The following USP31 variants were observed in gnomAD, a reference collection of about 807,000 sequenced individuals.
The protein encoded by USP31 is ubiquitin carboxyl-terminal hydrolase 31.
Under a neutral mutation model 119.4 loss-of-function variants are expected in USP31, and 44 were observed. The ratio of observed to expected loss-of-function variants is 0.37; its 90% confidence interval spans 0.29 to 0.47. The LOEUF (loss-of-function observed/expected upper bound fraction) is 0.47, where lower values mean the gene tolerates loss of function less well. USP31 is among the 20% of genes least tolerant of loss of function. USP31 has a pLI of 0.99. For missense variants in USP31, 1,643 were observed against 1,730.2 expected, an observed-to-expected ratio of 0.95 and a Z score of 0.89; for synonymous variants, 749 against 705.6, an observed-to-expected ratio of 1.06 and a Z score of -0.97.
At position 23,064,112 on chromosome 16, in the gene USP31, G is replaced by C. The variant is rs1031985355; in HGVS notation, c.*3934C>G. The C allele has an allele frequency of 6.6e-6, 1 of 152,558 alleles. No homozygotes were observed. The highest frequency in any genetic ancestry group is 2.4e-5 in the African/African-American group (1 of 41,424). The allele number at this position is 152,558 out of a possible 1,614,324, so 9.5% of individuals were successfully genotyped here. On this transcript the variant is annotated 3_prime_UTR_variant, in exon 16 of 16. Coordinates refer to ENST00000219689, the MANE Select transcript of USP31 (RefSeq NM_020718.4). Reference sequence around the variant, plus strand: ...AACTACAAATAATACAAAGTTCCACGCACCTCCAGAATACGTGTTTTATTG... The same window carrying C: ...AACTACAAATAATACAAAGTTCCACCCACCTCCAGAATACGTGTTTTATTG...
chr16:23,081,805 C>T (rs1387898001), intron 12 of USP31, among the ~76,000 whole-genome samples: 1 of 152,184 alleles, frequency 6.6e-6, no homozygotes, highest in East Asian at 1.9e-4. Context: ...TCTCCACTGT[C>T]GGGCTTTGCA....
intron 1 of USP31, among the ~76,000 whole-genome samples, chr16:23,118,277 A>G (rs1236706652): frequency 3.3e-5 from 5 of 152,366 alleles, no homozygotes; most frequent in African/African-American, 9.6e-5. Context: ...ATAGAATAAA[A>G]AAAGAAAAGA....
chr16:23,149,074 C>T lies in USP31; in HGVS notation c.197G>A (p.Ser66Asn). 2 of 1,272,322 alleles carry T rather than the reference C, an allele frequency of 1.6e-6. No homozygotes were observed. The highest frequency in any genetic ancestry group is 2.0e-6 in the Non-Finnish European group (2 of 985,186). The allele number at this position is 1,272,322 out of a possible 1,614,324, so 78.8% of individuals were successfully genotyped here. The change falls in exon 1 of 16, where the codon AGC becomes AAC. Residue 66 changes from serine (S) to asparagine (N), a missense_variant. Physicochemically the swap from Ser to Asn is conservative, Grantham distance 46 (BLOSUM62 1). Around this residue, in one of 5 missense-constraint regions of USP31, gnomAD observed 302 missense variants for 262.6 expected, o/e 1.15. Coordinates refer to ENST00000219689, the MANE Select transcript of USP31 (RefSeq NM_020718.4). ...CGTGGACAGCGTCTTGAGAACGCGG[C>T]TCATGAAGCTGCCCACCGAGCGTGC... ...SSARSVGSFM[S>N]RVLKTLSTLS...
rs535946414 is a variant in USP31 at position 23,062,510 on chromosome 16, G to C, written c.*5536C>G. On this transcript the variant is annotated 3_prime_UTR_variant, in exon 16 of 16. Transcript: ENST00000219689. ...AAGTAGGAAATTCAGCGGCAGCCTG[G>C]GGTTTGCTACTGTAATTCCTACAAA... 1 of 152,672 alleles carries C rather than the reference G, an allele frequency of 6.5e-6. No homozygotes were observed. Among genetic ancestry groups the C allele is most frequent in the African/African-American group, 2.4e-5 (1 of 41,540 alleles). The allele number at this position is 152,672 out of a possible 1,614,324, so 9.5% of individuals were successfully genotyped here. A position where few individuals can be genotyped will look rare whatever the true frequency, so the allele number is the denominator to read the frequency against.
intron 6 of USP31, among the ~76,000 whole-genome samples, chr16:23,097,713 A>G (rs1305710477): frequency 1.3e-5 from 2 of 152,264 alleles, no homozygotes; most frequent in African/African-American, 4.8e-5. Flanking sequence ...AACAGAACCA[A>G]TGACAAAAAC....
At position 23,081,268 on chromosome 16, in the gene USP31, A is replaced by G. The variant is rs1900810447; in HGVS notation, c.1951-1097T>C. ...CCAGGAAATTACTCTGTGTCTGGGGAAGGAGAAACAGCAGGCTGGGATCCA... is the reference window on the plus strand; with the variant it reads ...CCAGGAAATTACTCTGTGTCTGGGGGAGGAGAAACAGCAGGCTGGGATCCA... On this transcript the variant is annotated intron_variant, in intron 12 of 15. Coordinates refer to ENST00000219689, the MANE Select transcript of USP31 (RefSeq NM_020718.4). Among the ~76,000 whole-genome samples the G allele has an allele frequency of 2.0e-5, 3 of 152,206 alleles. 1 individual carries two copies. In the East Asian group the frequency reaches 5.8e-4, roughly 29 times the overall value.
chr16:23,086,105 T>C (rs1901097297), intron 9 of USP31, among the ~76,000 whole-genome samples: 1 of 152,252 alleles, frequency 6.6e-6, no homozygotes, highest in Non-Finnish European at 1.5e-5. Context: ...TTCTTCCTCC[T>C]TCCTCCAAAG....
chr16:23,113,520 A>C (rs566893311), intron 1 of USP31, among the ~76,000 whole-genome samples: 1 of 152,294 alleles, frequency 6.6e-6, no homozygotes, highest in East Asian at 1.9e-4. Context: ...GCAATAATGA[A>C]AACTACCGCA....
intron 13 of USP31, among the ~76,000 whole-genome samples, chr16:23,077,750 T>C (rs1900642734): frequency 1.3e-5 from 2 of 152,152 alleles, no homozygotes; most frequent in East Asian, 3.8e-4. Context: ...ATAATCAAAT[T>C]AATCACATCA....
At chr16:23,146,176 G>A (rs966395238) in intron 1 of USP31, among the ~76,000 whole-genome samples, 8 of 144,912 alleles carry the variant, frequency 5.5e-5, no homozygotes, top group Non-Finnish European at 1.0e-4. Context: ...CTCTGACCTC[G>A]AAAAGTTTAC....
intron 7 of USP31, among the ~76,000 whole-genome samples, chr16:23,089,613 A>G (rs927668399): frequency 6.6e-6 from 1 of 152,232 alleles, no homozygotes; most frequent in Admixed American, 6.5e-5. Context: ...TTCAAAGGCT[A>G]ACATAAAGGC....
At chr16:23,137,813 G>A (rs1251017055) in intron 1 of USP31, among the ~76,000 whole-genome samples, 1 of 150,852 alleles carries the variant, frequency 6.6e-6, no homozygotes, top group African/African-American at 2.4e-5. Context: ...AAAAAGAGTA[G>A]GGAGGAAAAC....
In USP31 at chr16:23,108,049, C is replaced by T; in HGVS notation, c.768G>A (p.Leu256=). 7 of 1,612,828 alleles carry T rather than the reference C, an allele frequency of 4.3e-6. No homozygotes were observed. The highest frequency in any genetic ancestry group is 5.9e-6 in the Non-Finnish European group (7 of 1,179,464). ...CTAGGGCAGCATGCGTCCTTACCTT[C>T]AGAGGAGGCTGGCCACTCTGCTTCA... The part of the protein sequence containing the change: ...HSVKQSGQPP[L]KPPSETDMMP... Residue 256 remains leucine (L), a synonymous_variant, in exon 2 of 16, where the codon CTG becomes CTA. Coordinates refer to ENST00000219689, the MANE Select transcript of USP31 (RefSeq NM_020718.4).
At chr16:23,103,250 C>CATATCATTTA (rs753812576) in intron 5 of USP31, among the ~76,000 whole-genome samples, 2 of 152,002 alleles carry the variant, frequency 1.3e-5, no homozygotes, top group African/African-American at 2.4e-5. Context: ...GGCTTTCTCC[C>CATATCATTTA]ATATCATTTA....
At chr16:23,146,357 G>A (rs1351207377) in intron 1 of USP31, among the ~76,000 whole-genome samples, 1 of 151,918 alleles carries the variant, frequency 6.6e-6, no homozygotes, top group African/African-American at 2.4e-5. Context: ...TGGGGAGGCC[G>A]AGGCAGGTGG....
At chr16:23,106,181 T>C (rs780223453) in intron 4 of USP31, 32 bp downstream of exon 4, 2 of 1,612,698 alleles carry the variant, frequency 1.2e-6, no homozygotes, top group Non-Finnish European at 8.5e-7. Flanking sequence ...CATAAGAAAA[T>C]ACAGTCTTCA....
At position 23,062,314 on chromosome 16, in the gene USP31, G is replaced by A. The variant is rs1016983873; in HGVS notation, c.*5732C>T. The A allele has an allele frequency of 2.0e-5, 3 of 150,330 alleles. No individual in the cohort carries two copies. Among genetic ancestry groups the A allele is most frequent in the African/African-American group, 7.4e-5 (3 of 40,778 alleles). The allele number at this position is 150,330 out of a possible 1,614,324, so 9.3% of individuals were successfully genotyped here. On this transcript the variant is annotated 3_prime_UTR_variant, in exon 16 of 16. Coordinates refer to ENST00000219689, the MANE Select transcript of USP31 (RefSeq NM_020718.4). ...AATTCTGGGATGTGTATTACTTAAT[G>A]GTAAAACAAACAAAAAACAAAACAA...
At chr16:23,143,587 G>T (rs969135526) in intron 1 of USP31, among the ~76,000 whole-genome samples, 5 of 130,730 alleles carry the variant, frequency 3.8e-5, no homozygotes, top group South Asian at 2.3e-4. Flanking sequence ...GGAGAGGTTG[G>T]GGGGGGGGAG....
intron 12 of USP31, among the ~76,000 whole-genome samples, chr16:23,081,144 G>A (rs1900803355): frequency 6.6e-6 from 1 of 152,208 alleles, no homozygotes; most frequent in African/African-American, 2.4e-5. Context: ...GCCATGCCTA[G>A]ATGAGAGGGA....
Sources: gnomAD v4.1 joint callset for allele counts (sites outside exome capture counted in the v4.1 genomes callset) on GRCh38, gnomAD v4.1.1 for gene constraint, gnomAD v4.1.1 regional missense constraint, MANE v1.5 for transcripts, NCBI Gene and HGNC (gene_info 2026-07-23, HGNC 2026-07-21) for gene names.